ST6GALNAC3: variants seen among roughly 807,000 people sequenced by gnomAD.
ST6GALNAC3 encodes the protein alpha-N-acetylgalactosaminide alpha-2,6-sialyltransferase 3.
A neutral mutation model predicts 32.7 loss-of-function variants in ST6GALNAC3; 25 were observed. That is an observed-to-expected ratio of 0.76 (90% CI 0.56 to 1.07). The LOEUF (loss-of-function observed/expected upper bound fraction) is 1.07. Ranked by LOEUF, ST6GALNAC3 falls within the 50% of genes least tolerant of loss-of-function variation. The probability of loss-of-function intolerance (pLI) is 0.00; values close to 1 mark genes in which losing one functional copy is unlikely to be tolerated. For synonymous variants in ST6GALNAC3, 129 were observed against 133.1 expected (o/e 0.97, Z 0.21); for missense variants, 355 against 382.4 (o/e 0.93, Z 0.60).
intron 1 of ST6GALNAC3, among the ~76,000 whole-genome samples, chr1:76,278,298 T>G (rs977840634): frequency 6.7e-6 from 1 of 148,392 alleles, no homozygotes; most frequent in Non-Finnish European, 1.5e-5. Context: ...CTCGGCTCAC[T>G]GCAAGCTCCG....
intron 3 of ST6GALNAC3, among the ~76,000 whole-genome samples, chr1:76,571,797 G>A (rs895936079): frequency 1.3e-5 from 2 of 151,760 alleles, no homozygotes; most frequent in East Asian, 1.9e-4. Context: ...TGTACTATTG[G>A]GTTCCAATGG....
At chr1:76,456,654 C>G (rs182519320) in intron 3 of ST6GALNAC3, among the ~76,000 whole-genome samples, 18 of 152,222 alleles carry the variant, frequency 1.2e-4, no homozygotes, top group South Asian at 2.1e-4. Context: ...ATTTAACAAC[C>G]CTTCATGCTA....
chr1:76,456,569 A>T (rs530335365), intron 3 of ST6GALNAC3, among the ~76,000 whole-genome samples: 1 of 152,290 alleles, frequency 6.6e-6, no homozygotes, highest in East Asian at 1.9e-4. Context: ...AATAAATGTA[A>T]TCCAGCATAT....
At chr1:76,498,432 C>T (rs1336620275) in intron 3 of ST6GALNAC3, among the ~76,000 whole-genome samples, 1 of 152,130 alleles carries the variant, frequency 6.6e-6, no homozygotes, top group Non-Finnish European at 1.5e-5. Flanking sequence ...ATGTGAGGGT[C>T]ATTCAGGTGA....
chr1:76,199,531 CA>C (rs1337551581), intron 1 of ST6GALNAC3, among the ~76,000 whole-genome samples: 2 of 152,152 alleles, frequency 1.3e-5, no homozygotes, highest in African/African-American at 4.8e-5. Context: ...CAACATTGTT[CA>C]ATATTGTATA....
intron 1 of ST6GALNAC3, among the ~76,000 whole-genome samples, chr1:76,138,873 C>G (rs1433270744): frequency 6.6e-6 from 1 of 151,950 alleles, no homozygotes; most frequent in Non-Finnish European, 1.5e-5. Flanking sequence ...CTTTTTTACC[C>G]CTGAGAATAA....
chr1:76,525,901 C>T (rs1173086559), intron 3 of ST6GALNAC3, among the ~76,000 whole-genome samples: 4 of 145,764 alleles, frequency 2.7e-5, no homozygotes, highest in Admixed American at 7.1e-5. Flanking sequence ...TTACCAAATG[C>T]TTCAGATGGA....
intron 3 of ST6GALNAC3, among the ~76,000 whole-genome samples, chr1:76,416,780 A>G (rs1654665981): frequency 6.6e-6 from 1 of 151,836 alleles, no homozygotes; most frequent in Non-Finnish European, 1.5e-5. Flanking sequence ...GGCACGCACC[A>G]CCATGCCTGG....
chr1:76,596,918 G>A (rs1382476727), intron 3 of ST6GALNAC3, among the ~76,000 whole-genome samples: 5 of 152,116 alleles, frequency 3.3e-5, no homozygotes, highest in African/African-American at 7.2e-5. Context: ...AATTATCCTT[G>A]AGTTCATTTT....
Position 76,264,558 on chromosome 1 carries a change from C to T in ST6GALNAC3, c.19-49247C>T, listed in dbSNP as rs575771495. Among the ~76,000 whole-genome samples, 10 of 152,218 alleles carry T rather than the reference C, an allele frequency of 6.6e-5. No individual in the cohort carries two copies. In the East Asian group the frequency reaches 1.2e-3, roughly 18 times the overall value. ...GGTGCTCGGCGTACCTTGCAGGAAT[C>T]GCTTACCTAAATCTATCCTTCAAGG... On this transcript the variant is annotated intron_variant, in intron 1 of 4. Transcript: ENST00000328299.
chr1:76,397,657 A>C (rs1653078927), intron 2 of ST6GALNAC3, among the ~76,000 whole-genome samples: 1 of 152,122 alleles, frequency 6.6e-6, no homozygotes, highest in Non-Finnish European at 1.5e-5. Context: ...TACAGGCGTG[A>C]GCCACCATGC....
At chr1:76,315,599 G>C (rs1339258182) in intron 2 of ST6GALNAC3, among the ~76,000 whole-genome samples, 1 of 152,062 alleles carries the variant, frequency 6.6e-6, no homozygotes, top group African/African-American at 2.4e-5. Context: ...TCCTGCAAAG[G>C]TTATTTCTTA....
At chr1:76,110,099 A>G (rs572558617) in intron 1 of ST6GALNAC3, among the ~76,000 whole-genome samples, 1 of 152,340 alleles carries the variant, frequency 6.6e-6, no homozygotes, top group South Asian at 2.1e-4. Context: ...TTCCTCTTTC[A>G]CAGCCCTGCT....
At chr1:76,223,550 A>G (rs1341635601) in intron 1 of ST6GALNAC3, among the ~76,000 whole-genome samples, 1 of 152,160 alleles carries the variant, frequency 6.6e-6, no homozygotes, top group African/African-American at 2.4e-5. Flanking sequence ...TGTACCCCTG[A>G]ACTTAAAATA....
intron 3 of ST6GALNAC3, among the ~76,000 whole-genome samples, chr1:76,426,501 T>C (rs1325572878): frequency 6.6e-6 from 1 of 151,658 alleles, no homozygotes; most frequent in African/African-American, 2.4e-5. Flanking sequence ...CAATGCCTTC[T>C]TGTGGAATAC....
intron 1 of ST6GALNAC3, among the ~76,000 whole-genome samples, chr1:76,087,021 G>A (rs1229759577): frequency 6.6e-6 from 1 of 152,114 alleles, no homozygotes; most frequent in Non-Finnish European, 1.5e-5. Flanking sequence ...TTCTTTGGCT[G>A]GGAGTAAAAG....
At chr1:76,329,033 C>T (rs1488074161) in intron 2 of ST6GALNAC3, among the ~76,000 whole-genome samples, 1 of 152,052 alleles carries the variant, frequency 6.6e-6, no homozygotes, top group Non-Finnish European at 1.5e-5. Context: ...ATGAAATAAC[C>T]CACTCTCAGC....
intron 1 of ST6GALNAC3, among the ~76,000 whole-genome samples, chr1:76,185,908 T>C (rs1172096144): frequency 6.6e-6 from 1 of 152,232 alleles, no homozygotes; most frequent in Non-Finnish European, 1.5e-5. Flanking sequence ...GTATTTAGCA[T>C]TTATATCGTG....
chr1:76,287,858 A>G (rs536015618), intron 1 of ST6GALNAC3, among the ~76,000 whole-genome samples: 1 of 152,316 alleles, frequency 6.6e-6, no homozygotes, highest in Admixed American at 6.5e-5. Context: ...GCCACATTTA[A>G]TTTGGGGTGA....
Sources: gnomAD v4.1 joint callset for allele counts (sites outside exome capture counted in the v4.1 genomes callset) on GRCh38, gnomAD v4.1.1 for gene constraint, MANE v1.5 for transcripts, NCBI Gene and HGNC (gene_info 2026-07-23, HGNC 2026-07-21) for gene names.